Variants in RNF150 observed in about 807,000 individuals in gnomAD.
RNF150 encodes the protein ring finger protein 150.
A neutral mutation model predicts 39.3 loss-of-function variants in RNF150; 24 were observed. That is an observed-to-expected ratio of 0.61 (90% CI 0.44 to 0.86). The LOEUF is 0.86. Ranked by LOEUF, RNF150 falls within the 40% of genes least tolerant of loss-of-function variation. The probability of loss-of-function intolerance (pLI) is 0.00; values close to 1 mark genes in which losing one functional copy is unlikely to be tolerated. For missense variants in RNF150, 502 were observed against 587.8 expected (o/e 0.85, Z 1.51); for synonymous variants, 255 against 227.3 (o/e 1.12, Z -1.10).
chr4:140,859,837 A>G lies in RNF150; in HGVS notation c.*8424T>C, dbSNP rs879723563. 4 of 152,232 alleles carry G rather than the reference A, an allele frequency of 2.6e-5. No individual in the cohort carries two copies. The highest frequency in any genetic ancestry group is 6.5e-5 in the Admixed American group (1 of 15,290). The allele number at this position is 152,232 out of a possible 1,614,324, so 9.4% of individuals were successfully genotyped here. On this transcript the variant is annotated 3_prime_UTR_variant, in exon 7 of 7. Transcript: ENST00000515673. The stretch of plus-strand genomic sequence containing the variant: ...TTCCATTTTATTAAAAAACAAAACC[A>G]AAAGAAATTTTGCAGTGAAATTTCC...
At chr4:140,920,103 T>A (rs13116040) in intron 5 of RNF150, among the ~76,000 whole-genome samples, 79,848 of 146,838 alleles carry the variant, frequency 0.54, 22,240 homozygotes, top group East Asian at 0.89. Context: ...AACCTAGGCA[T>A]TACCATTCAG....
chr4:141,006,087 CAT>C (rs1734859484), intron 1 of RNF150, among the ~76,000 whole-genome samples: 1 of 145,654 alleles, frequency 6.9e-6, no homozygotes, highest in Non-Finnish European at 1.5e-5. Context: ...AAAAAAAAGA[CAT>C]ATTTTAAAAG....
intron 1 of RNF150, among the ~76,000 whole-genome samples, chr4:141,027,835 G>T (rs1270052820): frequency 6.8e-6 from 1 of 147,596 alleles, no homozygotes; most frequent in Non-Finnish European, 1.5e-5. Context: ...AAGGACATTT[G>T]GATTTAACAT....
At chr4:141,101,487 T>A (rs148464273) in intron 1 of RNF150, among the ~76,000 whole-genome samples, 107 of 152,312 alleles carry the variant, frequency 7.0e-4, no homozygotes, top group African/African-American at 2.4e-3. Flanking sequence ...GACAATGCCT[T>A]CTTCTGGAAT....
intron 6 of RNF150, among the ~76,000 whole-genome samples, chr4:140,882,589 A>G (rs1370065864): frequency 1.3e-5 from 2 of 152,044 alleles, no homozygotes; most frequent in African/African-American, 4.8e-5. Context: ...TGTTTACTTC[A>G]TATATTTGGG....
At chr4:141,150,096 T>G (rs1459762599) in intron 1 of RNF150, among the ~76,000 whole-genome samples, 1 of 152,090 alleles carries the variant, frequency 6.6e-6, no homozygotes, top group East Asian at 1.9e-4. Context: ...ATAGCATCAT[T>G]TGCCAATAAA....
chr4:140,903,612 G>C (rs1730269647), intron 6 of RNF150, among the ~76,000 whole-genome samples: 1 of 152,136 alleles, frequency 6.6e-6, no homozygotes, highest in Non-Finnish European at 1.5e-5. Context: ...CTGCCCCCCA[G>C]CCCTTTGCCC....
intron 1 of RNF150, among the ~76,000 whole-genome samples, chr4:141,166,019 T>C (rs542392091): frequency 6.6e-6 from 1 of 152,242 alleles, no homozygotes; most frequent in South Asian, 2.1e-4. Context: ...GAGCTAGTTT[T>C]TTGAAAAGAT....
Position 141,056,462 on chromosome 4 carries a change from G to A in RNF150, c.484+75863C>T, listed in dbSNP as rs374314918. Among the ~76,000 whole-genome samples, 6 of 152,182 alleles carry A rather than the reference G, an allele frequency of 3.9e-5. No homozygotes were observed. In the South Asian group the frequency reaches 6.2e-4, roughly 16 times the overall value. On this transcript the variant is annotated intron_variant, in intron 1 of 6. Coordinates refer to ENST00000515673, the MANE Select transcript of RNF150 (RefSeq NM_020724.2). ...AGGTCCTTAAAAGAGAAGGGTGTGA[G>A]GGGCAGGGGTGTGGGCTGGTGGGAG...
chr4:141,157,502 T>C (rs755606763), intron 1 of RNF150, among the ~76,000 whole-genome samples: 3 of 152,116 alleles, frequency 2.0e-5, no homozygotes, highest in South Asian at 2.1e-4. Flanking sequence ...TGGCAAGAAA[T>C]GGTGTCTGTC....
At chr4:140,943,727 T>G (rs1218093513) in intron 4 of RNF150, among the ~76,000 whole-genome samples, 8 of 152,226 alleles carry the variant, frequency 5.3e-5, no homozygotes, top group African/African-American at 7.2e-5. Flanking sequence ...TGGCACACAG[T>G]TGCTACAAAA....
At chr4:141,109,702 G>C (rs1482744277) in intron 1 of RNF150, among the ~76,000 whole-genome samples, 1 of 152,094 alleles carries the variant, frequency 6.6e-6, no homozygotes, top group East Asian at 1.9e-4. Flanking sequence ...TTCCACCTAT[G>C]ATGGAGCAGC....
In RNF150 at chr4:140,992,749, C is replaced by A. The variant is rs554722724; in HGVS notation, c.485-24876G>T. 3.9e-5 allele frequency among the ~76,000 whole-genome samples: 6 copies of A among 152,282 alleles called. No homozygotes were observed. The South Asian group carries it at 6.2e-4, about 16-fold the overall frequency. On this transcript the variant is annotated intron_variant, in intron 1 of 6. Coordinates refer to ENST00000515673, the MANE Select transcript of RNF150 (RefSeq NM_020724.2). The stretch of plus-strand genomic sequence containing the variant: ...ACAGTCATGAGCCATTCTCCTCCCC[C>A]TTTCATGCTAGGGACAACTGTGAAG...
chr4:141,172,593 T>C (rs537421243), intron 1 of RNF150, among the ~76,000 whole-genome samples: 1 of 152,334 alleles, frequency 6.6e-6, no homozygotes, highest in East Asian at 1.9e-4. Flanking sequence ...GCTGTACCCA[T>C]ACCAGCTGGT....
At chr4:141,113,832 G>A (rs995764711) in intron 1 of RNF150, among the ~76,000 whole-genome samples, 7 of 152,168 alleles carry the variant, frequency 4.6e-5, no homozygotes, top group South Asian at 4.1e-4. Flanking sequence ...TCAGACCACC[G>A]TGCAATCAAA....
chr4:141,040,249 T>C (rs1338918383), intron 1 of RNF150, among the ~76,000 whole-genome samples: 1 of 152,030 alleles, frequency 6.6e-6, no homozygotes, highest in Non-Finnish European at 1.5e-5. Context: ...TCCCAGAAGA[T>C]GAAGAAATAA....
At chr4:140,967,039 C>T (rs1428368435) in intron 2 of RNF150, among the ~76,000 whole-genome samples, 1 of 152,032 alleles carries the variant, frequency 6.6e-6, no homozygotes, top group Non-Finnish European at 1.5e-5. Flanking sequence ...GAGAGAGAAG[C>T]GTACAGAGTT....
chr4:140,925,396 C>A (rs1389798641), intron 5 of RNF150, among the ~76,000 whole-genome samples: 3 of 152,180 alleles, frequency 2.0e-5, no homozygotes, highest in African/African-American at 7.2e-5. Flanking sequence ...GGGGAGTCAA[C>A]TGGGGGAACC....
chr4:140,990,954 A>G (rs1734177305), intron 1 of RNF150, among the ~76,000 whole-genome samples: 1 of 152,204 alleles, frequency 6.6e-6, no homozygotes. Context: ...TCCCAGCAAT[A>G]GTGCAAAAGT....
Sources: gnomAD v4.1 joint callset for allele counts (sites outside exome capture counted in the v4.1 genomes callset) on GRCh38, gnomAD v4.1.1 for gene constraint, MANE v1.5 for transcripts, NCBI Gene and HGNC (gene_info 2026-07-23, HGNC 2026-07-21) for gene names.